Variants in CTDSPL observed in about 807,000 individuals in gnomAD.
CTDSPL encodes CTD small phosphatase like, also known as CTD small phosphatase-like protein.
CTDSPL carries 8 observed loss-of-function variants against 30.5 expected under a neutral mutation model. That is an observed-to-expected ratio of 0.26 (90% CI 0.15 to 0.47). The LOEUF (loss-of-function observed/expected upper bound fraction) is 0.47. Among genes scored for constraint, CTDSPL ranks in the 20% least tolerant of loss-of-function variants. The probability of loss-of-function intolerance (pLI) is 0.99; values close to 1 mark genes in which losing one functional copy is unlikely to be tolerated. For missense variants in CTDSPL, 248 were observed against 366.1 expected (o/e 0.68, Z 2.63); for synonymous variants, 110 against 137.9 (o/e 0.80, Z 1.42).
At chr3:37,926,858 G>A (rs1698787186) in intron 1 of CTDSPL, among the ~76,000 whole-genome samples, 1 of 152,158 alleles carries the variant, frequency 6.6e-6, no homozygotes, top group African/African-American at 2.4e-5. Context: ...GTCCAGAGCG[G>A]GTGGGAAAGA....
At chr3:37,963,207 G>A (rs1182040479) in intron 3 of CTDSPL, among the ~76,000 whole-genome samples, 2 of 152,204 alleles carry the variant, frequency 1.3e-5, no homozygotes, top group Admixed American at 6.5e-5. Context: ...TGGAAAGGAA[G>A]AAACATGGAG....
intron 1 of CTDSPL, among the ~76,000 whole-genome samples, chr3:37,933,429 A>G (rs1698879061): frequency 6.6e-6 from 1 of 152,204 alleles, no homozygotes; most frequent in African/African-American, 2.4e-5. Context: ...CATGTGTTTT[A>G]AAATTTTATT....
intron 1 of CTDSPL, among the ~76,000 whole-genome samples, chr3:37,890,201 C>T (rs1039151370): frequency 1.3e-5 from 2 of 152,086 alleles, no homozygotes; most frequent in Non-Finnish European, 2.9e-5. Flanking sequence ...TGCGCGCACA[C>T]CCACACAGAG....
chr3:37,900,173 C>T (rs1698433175), intron 1 of CTDSPL, among the ~76,000 whole-genome samples: 1 of 152,162 alleles, frequency 6.6e-6, no homozygotes, highest in Non-Finnish European at 1.5e-5. Flanking sequence ...CGTCACCATT[C>T]TTGAGAGGAA....
At chr3:37,900,199 G>A (rs73056997) in intron 1 of CTDSPL, among the ~76,000 whole-genome samples, 3,407 of 152,298 alleles carry the variant, frequency 0.022, 51 homozygotes, top group Non-Finnish European at 0.034. Flanking sequence ...GAGTGTGAGC[G>A]GGGAGGGAAT....
chr3:37,900,108 G>A (rs946701506), intron 1 of CTDSPL, among the ~76,000 whole-genome samples: 1 of 152,136 alleles, frequency 6.6e-6, no homozygotes, highest in Non-Finnish European at 1.5e-5. Flanking sequence ...TTGCCTTTGA[G>A]CTTTATCACT....
At chr3:37,962,415 G>A (rs538093386) in intron 3 of CTDSPL, among the ~76,000 whole-genome samples, 105 of 152,270 alleles carry the variant, frequency 6.9e-4, no homozygotes, top group Middle Eastern at 3.4e-3. Context: ...AAAATCAATT[G>A]CTTGCTTAAT....
At chr3:37,935,714 T>C (rs139878506) in intron 1 of CTDSPL, among the ~76,000 whole-genome samples, 2 of 152,280 alleles carry the variant, frequency 1.3e-5, no homozygotes, top group African/African-American at 4.8e-5. Context: ...AGGAGTATTA[T>C]GGGTTTGTTC....
intron 1 of CTDSPL, among the ~76,000 whole-genome samples, chr3:37,870,936 T>C (rs1698064465): frequency 6.6e-6 from 1 of 152,198 alleles, no homozygotes; most frequent in Non-Finnish European, 1.5e-5. Context: ...TTTATTACAA[T>C]TGATAAACCT....
intron 1 of CTDSPL, among the ~76,000 whole-genome samples, chr3:37,898,184 G>T (rs1380485815): frequency 1.3e-5 from 2 of 152,148 alleles, no homozygotes; most frequent in East Asian, 3.8e-4. Flanking sequence ...CTTCTGTCAG[G>T]GAACCCCAGA....
chr3:37,903,202 G>A (rs1471502010), intron 1 of CTDSPL, among the ~76,000 whole-genome samples: 1 of 152,196 alleles, frequency 6.6e-6, no homozygotes, highest in African/African-American at 2.4e-5. Flanking sequence ...GGGGCAGCCG[G>A]TCCGATTGCT....
At chr3:37,890,215 A>T (rs1319987212) in intron 1 of CTDSPL, among the ~76,000 whole-genome samples, 1 of 152,244 alleles carries the variant, frequency 6.6e-6, no homozygotes, top group Admixed American at 6.5e-5. Context: ...CACAGAGTTA[A>T]GGCAGGATAT....
At chr3:37,957,413 G>A (rs953018382) in intron 3 of CTDSPL, among the ~76,000 whole-genome samples, 33 of 152,130 alleles carry the variant, frequency 2.2e-4, no homozygotes, top group African/African-American at 7.7e-4. Flanking sequence ...CTCTGGGAAG[G>A]ACCTCCAAGC....
chr3:37,876,084 A>C (rs918596996), intron 1 of CTDSPL, among the ~76,000 whole-genome samples: 2 of 152,054 alleles, frequency 1.3e-5, no homozygotes, highest in African/African-American at 4.8e-5. Flanking sequence ...CTGTACAAAA[A>C]ATAAAAATAA....
intron 4 of CTDSPL, among the ~76,000 whole-genome samples, chr3:37,964,988 G>A (rs1699284055): frequency 6.6e-6 from 1 of 152,184 alleles, no homozygotes; most frequent in African/African-American, 2.4e-5. Context: ...GTGCCCCCAG[G>A]ATACTGTTTA....
At chr3:37,911,786 C>T (rs1279448404) in intron 1 of CTDSPL, 8 of 454,400 alleles carry the variant, frequency 1.8e-5, no homozygotes, top group South Asian at 1.1e-4. Context: ...CAGCCAGGCG[C>T]GGTGGTTCAC....
Position 37,964,683 on chromosome 3 carries a change from A to AT in CTDSPL, c.369+12dup, listed in dbSNP as rs776499272. On this transcript the variant is annotated intron_variant, in intron 4 of 7. Coordinates refer to ENST00000273179, the MANE Select transcript of CTDSPL (RefSeq NM_001008392.2). Reference sequence around the variant, plus strand: ...CACAGTTCGTTTAAGGTAAATCAACATAAAAAAAAAATCCATGATCTTTGT... The same window carrying AT: ...CACAGTTCGTTTAAGGTAAATCAACATTAAAAAAAAAATCCATGATCTTTGT... 7 of 1,573,544 alleles carry AT rather than the reference A, an allele frequency of 4.4e-6. No homozygotes were observed. The highest frequency in any genetic ancestry group is 6.1e-6 in the Non-Finnish European group (7 of 1,148,052).
chr3:37,924,119 G>A (rs575456878), intron 1 of CTDSPL, among the ~76,000 whole-genome samples: 35 of 152,336 alleles, frequency 2.3e-4, no homozygotes, highest in African/African-American at 7.2e-4. Context: ...CCCGGTCCAA[G>A]GTGAGAGTTT....
At chr3:37,923,048 G>GTCTACCAT (rs1698736114) in intron 1 of CTDSPL, among the ~76,000 whole-genome samples, 1 of 152,202 alleles carries the variant, frequency 6.6e-6, no homozygotes, top group African/African-American at 2.4e-5. Context: ...AGCTACCGAG[G>GTCTACCAT]GGCTGTAAGC....
Sources: allele counts gnomAD v4.1 joint callset (sites outside exome capture counted in the v4.1 genomes callset), GRCh38; gene constraint gnomAD v4.1.1; transcripts MANE v1.5; gene names NCBI Gene and HGNC (gene_info 2026-07-23, HGNC 2026-07-21).